CCDC150: variants seen among roughly 807,000 people sequenced by gnomAD.
CCDC150 encodes coiled-coil domain containing 150.
CCDC150 carries 151 observed loss-of-function variants against 156.5 expected under a neutral mutation model. The observed-to-expected ratio is 0.97, with a 90% CI of 0.85 to 1.10. The LOEUF is 1.10. Ranked by LOEUF, CCDC150 falls within the 50% of genes least tolerant of loss-of-function variation. The pLI is 0.00. For synonymous variants in CCDC150, 452 were observed against 429.4 expected, an observed-to-expected ratio of 1.05 and a Z score of -0.65; for missense variants, 1,312 against 1,268.1, an observed-to-expected ratio of 1.03 and a Z score of -0.53.
rs765304001 is a variant in CCDC150, at chr2:196,726,148, A to G, written c.2556+49A>G. On this transcript the variant is annotated intron_variant, in intron 22 of 27. Coordinates refer to ENST00000389175, the MANE Select transcript of CCDC150 (RefSeq NM_001080539.2). ...CTTTTGGTGAATGCCTCTTAGGATA[A>G]GCAGCTCAAGGATTTCAGAGAATGG... 6.2e-6 allele frequency: 10 copies of G among 1,600,648 alleles called. No individual in the cohort carries two copies. In the East Asian group the frequency reaches 2.2e-4, roughly 36 times the overall value.
intron 14 of CCDC150, among the ~76,000 whole-genome samples, chr2:196,698,898 T>C (rs546609467): frequency 6.6e-6 from 1 of 152,272 alleles, no homozygotes; most frequent in Non-Finnish European, 1.5e-5. Context: ...TGTCCATGTG[T>C]TCTCATTGTT....
At chr2:196,675,064 C>T (rs1442508305) in intron 10 of CCDC150, among the ~76,000 whole-genome samples, 2 of 152,052 alleles carry the variant, frequency 1.3e-5, no homozygotes, top group African/African-American at 4.8e-5. Flanking sequence ...TAGGGTGACT[C>T]CAGAGTCAAT....
chr2:196,646,893 A>G (rs1692576853), intron 2 of CCDC150, among the ~76,000 whole-genome samples: 1 of 152,120 alleles, frequency 6.6e-6, no homozygotes, highest in South Asian at 2.1e-4. Context: ...TTCTTCTCCC[A>G]TATTTATTAT....
chr2:196,700,339 T>C (rs1284598298), intron 14 of CCDC150, among the ~76,000 whole-genome samples: 2 of 152,208 alleles, frequency 1.3e-5, no homozygotes, highest in Non-Finnish European at 2.9e-5. Context: ...TTTTGACATA[T>C]GGCAATATTT....
chr2:196,723,822 C>T (rs1189590690), intron 21 of CCDC150, among the ~76,000 whole-genome samples: 1 of 152,042 alleles, frequency 6.6e-6, no homozygotes, highest in African/African-American at 2.4e-5. Context: ...TAGAAGATCA[C>T]AAAGAGTAAG....
intron 2 of CCDC150, among the ~76,000 whole-genome samples, chr2:196,652,276 T>C (rs1023057825): frequency 1.5e-4 from 23 of 152,316 alleles, no homozygotes; most frequent in Middle Eastern, 3.4e-3. Context: ...AATTCCAAAG[T>C]CTCATCTGAG....
chr2:196,676,539 G>A lies in CCDC150; in HGVS notation c.1263-15G>A, dbSNP rs145795412. On this transcript the variant is annotated splice_polypyrimidine_tract_variant and intron_variant, in intron 11 of 27. Coordinates refer to ENST00000389175, the MANE Select transcript of CCDC150 (RefSeq NM_001080539.2). ...TCTAATTTAGCTTTCATATGTTCTT[G>A]ATCTCTTCCTGCAGGGATCATTTAA... is the stretch of plus-strand genomic sequence containing the variant. 132 of 1,590,590 alleles carry A rather than the reference G, an allele frequency of 8.3e-5. 1 individual carries two copies. In the East Asian group the frequency reaches 2.9e-3, roughly 35 times the overall value.
intron 1 of CCDC150, among the ~76,000 whole-genome samples, chr2:196,646,014 T>C (rs1486230791): frequency 2.0e-5 from 3 of 152,190 alleles, no homozygotes; most frequent in Non-Finnish European, 2.9e-5. Flanking sequence ...TACAACAACA[T>C]AGGTTTATTG....
chr2:196,690,118 C>T (rs545853365), intron 13 of CCDC150, among the ~76,000 whole-genome samples: 222 of 151,720 alleles, frequency 1.5e-3, no homozygotes, highest in African/African-American at 4.7e-3. Flanking sequence ...AGTAAACTAT[C>T]GCAAGAACAA....
intron 13 of CCDC150, among the ~76,000 whole-genome samples, chr2:196,694,816 C>G (rs1222955831): frequency 6.6e-6 from 1 of 152,134 alleles, no homozygotes; most frequent in Non-Finnish European, 1.5e-5. Context: ...GAGCCAAGAT[C>G]ACACAACTGC....
chr2:196,655,796 G>A (rs781505339), intron 2 of CCDC150, among the ~76,000 whole-genome samples: 4 of 152,030 alleles, frequency 2.6e-5, no homozygotes, highest in Non-Finnish European at 5.9e-5. Context: ...TCAAGTAGAA[G>A]TTATAAAAGT....
chr2:196,664,403 C>T (rs188093255), intron 5 of CCDC150, among the ~76,000 whole-genome samples: 76 of 152,320 alleles, frequency 5.0e-4, no homozygotes, highest in Non-Finnish European at 4.1e-4. Flanking sequence ...TTCAGAGAAA[C>T]GCTTCACTTG....
Position 196,712,755 on chromosome 2 carries a change from G to C in CCDC150, c.1866+16G>C. On this transcript the variant is annotated intron_variant, in intron 17 of 27. Coordinates refer to ENST00000389175, the MANE Select transcript of CCDC150 (RefSeq NM_001080539.2). ...CCTGAAAGAAGTATTGGTAATGAAA[G>C]TGCTTACTTGTCAGCATGGTGGCTC... The C allele has an allele frequency of 6.3e-7, 1 of 1,595,346 alleles. No homozygotes were observed. The highest frequency in any genetic ancestry group is 8.6e-7 in the Non-Finnish European group (1 of 1,166,828).
At chr2:196,730,454 G>C (rs1698461085) in intron 25 of CCDC150, among the ~76,000 whole-genome samples, 1 of 152,162 alleles carries the variant, frequency 6.6e-6, no homozygotes. Context: ...TTCTAGCACA[G>C]ATACACCTGT....
intron 13 of CCDC150, among the ~76,000 whole-genome samples, chr2:196,693,820 C>G (rs1223271832): frequency 6.6e-6 from 1 of 151,886 alleles, no homozygotes; most frequent in African/African-American, 2.4e-5. Flanking sequence ...CCTTTCATTT[C>G]TGGTTTGCTG....
chr2:196,694,529 T>C (rs1223023777), intron 13 of CCDC150, among the ~76,000 whole-genome samples: 3 of 151,810 alleles, frequency 2.0e-5, no homozygotes, highest in Non-Finnish European at 4.4e-5. Flanking sequence ...TTAGAAAAAA[T>C]GTTAGACCCA....
chr2:196,730,874 G>T lies in CCDC150; in HGVS notation c.2998G>T (p.Val1000Phe), dbSNP rs1426348729. 2 of 1,596,848 alleles carry T rather than the reference G, an allele frequency of 1.3e-6. No homozygotes were observed. The highest frequency in any genetic ancestry group is 1.7e-6 in the Non-Finnish European group (2 of 1,171,522). Residue 1000 changes from valine (V) to phenylalanine (F), a missense_variant, in exon 26 of 28, where the codon GTC becomes TTC. Physicochemically the swap from Val to Phe is conservative, Grantham distance 50 (BLOSUM62 -1). Coordinates refer to ENST00000389175, the MANE Select transcript of CCDC150 (RefSeq NM_001080539.2). ...ACATTTTCAGGAATTGGAAGAAACT[G>T]TCAGACACCTGAAGAAATGTAAAGA... ...ENRCQELEETVRHLKKCKEAT... is the reference protein window; with the variant it reads ...ENRCQELEETFRHLKKCKEAT...
intron 7 of CCDC150, 36 bp downstream of exon 7, chr2:196,666,884 A>T: frequency 6.2e-7 from 1 of 1,611,948 alleles, no homozygotes; most frequent in South Asian, 1.1e-5. Context: ...CCCTCTTGTT[A>T]GTTTTTGGAG....
intron 1 of CCDC150, among the ~76,000 whole-genome samples, chr2:196,642,073 A>G (rs2125560860): frequency 6.6e-6 from 1 of 152,342 alleles, no homozygotes; most frequent in South Asian, 2.1e-4. Context: ...ATAATAATAT[A>G]TGCATAGAAA....
Sources: allele counts gnomAD v4.1 joint callset (sites outside exome capture counted in the v4.1 genomes callset), GRCh38; gene constraint gnomAD v4.1.1; transcripts MANE v1.5; gene names NCBI Gene and HGNC (gene_info 2026-07-23, HGNC 2026-07-21).